The following SNTG1 variants were observed in gnomAD, a reference collection of about 807,000 sequenced individuals.
SNTG1 encodes syntrophin gamma 1, also known as gamma-1-syntrophin.
A neutral mutation model predicts 74.7 loss-of-function variants in SNTG1; 39 were observed. The ratio of observed to expected loss-of-function variants is 0.52; its 90% CI spans 0.40 to 0.68. SNTG1 has a LOEUF of 0.68. Among genes scored for constraint, SNTG1 ranks in the 30% least tolerant of loss-of-function variants. The pLI, the probability that SNTG1 is intolerant of heterozygous loss-of-function variation, is 0.00. For synonymous variants in SNTG1, 254 were observed against 217.1 expected, an observed-to-expected ratio of 1.17 and a Z score of -1.49; for missense variants, 685 against 609.5, an observed-to-expected ratio of 1.12 and a Z score of -1.30.
intron 2 of SNTG1, among the ~76,000 whole-genome samples, chr8:50,291,068 A>G (rs1403146609): frequency 6.6e-6 from 1 of 152,126 alleles, no homozygotes; most frequent in African/African-American, 2.4e-5. Flanking sequence ...GTATTTATTC[A>G]TTCTTGCATA....
chr8:50,237,153 C>T (rs889466655), intron 2 of SNTG1, among the ~76,000 whole-genome samples: 1 of 151,594 alleles, frequency 6.6e-6, no homozygotes, highest in Non-Finnish European at 1.5e-5. Flanking sequence ...TTTTTTCTTG[C>T]AGTTCATTTC....
intron 2 of SNTG1, among the ~76,000 whole-genome samples, chr8:50,194,240 G>T (rs1017558385): frequency 1.3e-5 from 2 of 152,088 alleles, no homozygotes; most frequent in Non-Finnish European, 2.9e-5. Flanking sequence ...TGTTCAATAA[G>T]ATTGGTACCA....
intron 8 of SNTG1, among the ~76,000 whole-genome samples, chr8:50,490,352 T>C (rs1384363777): frequency 6.6e-6 from 1 of 152,206 alleles, no homozygotes; most frequent in Non-Finnish European, 1.5e-5. Context: ...ATCTATAAAT[T>C]ACTTTGGGCA....
intron 1 of SNTG1, among the ~76,000 whole-genome samples, chr8:50,063,980 T>C (rs1820691875): frequency 1.3e-5 from 2 of 152,318 alleles, no homozygotes; most frequent in Admixed American, 1.3e-4. Context: ...ATTTTCCATC[T>C]ATAGCAACTT....
intron 4 of SNTG1, among the ~76,000 whole-genome samples, chr8:50,408,262 GTT>G (rs2092905131): frequency 3.8e-5 from 1 of 26,284 alleles, no homozygotes; most frequent in Admixed American, 4.4e-4. Context: ...TTGCTTTAAA[GTT>G]CCTTGCTTTA....
At chr8:50,276,632 T>C (rs2088129488) in intron 2 of SNTG1, among the ~76,000 whole-genome samples, 1 of 152,146 alleles carries the variant, frequency 6.6e-6, no homozygotes, top group East Asian at 1.9e-4. Context: ...CATTTCATGC[T>C]ATGGAATAAA....
intron 8 of SNTG1, 98 bp downstream of exon 8, chr8:50,450,827 G>C: frequency 8.2e-7 from 1 of 1,226,886 alleles, no homozygotes; most frequent in Non-Finnish European, 1.2e-6. Context: ...AGGCAGATAT[G>C]ACATTTATCC....
intron 2 of SNTG1, among the ~76,000 whole-genome samples, chr8:50,227,041 T>C (rs2085363118): frequency 6.6e-6 from 1 of 152,194 alleles, no homozygotes; most frequent in East Asian, 1.9e-4. Context: ...CTCTAGTTTT[T>C]ACAACAAAAT....
intron 12 of SNTG1, among the ~76,000 whole-genome samples, chr8:50,582,543 G>GT (rs1563608150): frequency 4.6e-4 from 69 of 151,112 alleles, no homozygotes; most frequent in African/African-American, 1.6e-3. Context: ...TGGGTGTGTG[G>GT]GTGTGTGTGT....
intron 12 of SNTG1, among the ~76,000 whole-genome samples, chr8:50,584,564 G>A (rs1252535856): frequency 6.8e-6 from 1 of 146,870 alleles, no homozygotes; most frequent in Non-Finnish European, 1.5e-5. Context: ...CTGGGCTGGA[G>A]TGCAGTGGTG....
intron 2 of SNTG1, among the ~76,000 whole-genome samples, chr8:50,278,531 A>G (rs1021079365): frequency 6.6e-6 from 1 of 152,198 alleles, no homozygotes; most frequent in African/African-American, 2.4e-5. Flanking sequence ...AAAACTTTGC[A>G]TATGGATTCA....
chr8:50,385,827 AG>A (rs1417133508), intron 2 of SNTG1, among the ~76,000 whole-genome samples: 1 of 152,176 alleles, frequency 6.6e-6, no homozygotes, highest in African/African-American at 2.4e-5. Flanking sequence ...TCTGCTACAG[AG>A]CTTCAATTAG....
At chr8:50,716,645 T>G (rs1402665581) in intron 17 of SNTG1, among the ~76,000 whole-genome samples, 4 of 152,116 alleles carry the variant, frequency 2.6e-5, no homozygotes, top group Non-Finnish European at 4.4e-5. Context: ...AACAAAAAAG[T>G]ATTTTGAATG....
chr8:50,364,836 C>T (rs1354314864), intron 2 of SNTG1, among the ~76,000 whole-genome samples: 1 of 151,872 alleles, frequency 6.6e-6, no homozygotes, highest in Non-Finnish European at 1.5e-5. Context: ...CAGTTTTTGA[C>T]TTCTTACAAA....
intron 18 of SNTG1, among the ~76,000 whole-genome samples, chr8:50,785,250 AT>A (rs551625286): frequency 9.0e-4 from 137 of 152,078 alleles, no homozygotes; most frequent in African/African-American, 2.8e-3. Flanking sequence ...AAAATCTCAA[AT>A]TTAGTTTTTT....
intron 17 of SNTG1, among the ~76,000 whole-genome samples, chr8:50,722,562 T>G (rs1483473012): frequency 6.6e-6 from 1 of 152,158 alleles, no homozygotes; most frequent in Non-Finnish European, 1.5e-5. Flanking sequence ...ATAAGATTTA[T>G]CTCTTATAGA....
In SNTG1 at chr8:50,662,771, G is replaced by A. The variant is rs377106333; in HGVS notation, c.1038+4108G>A. Among the ~76,000 whole-genome samples the A allele has an allele frequency of 4.6e-5, 7 of 151,434 alleles. 1 individual carries two copies. Among genetic ancestry groups the A allele is most frequent in the African/African-American group, 1.7e-4 (7 of 40,724 alleles). On this transcript the variant is annotated intron_variant, in intron 15 of 18. Coordinates refer to ENST00000642720, the MANE Select transcript of SNTG1 (RefSeq NM_018967.5). ...GTTACTAAAACATTACCCTTTATGA[G>A]TGTATTGGGCACTATGAACTTCAGT...
intron 1 of SNTG1, among the ~76,000 whole-genome samples, chr8:49,944,548 A>C (rs1343209238): frequency 1.6e-5 from 2 of 124,692 alleles, no homozygotes; most frequent in African/African-American, 6.2e-5. Context: ...TGGACACAGG[A>C]AGGGGAACAT....
At chr8:50,613,506 A>G (rs1441021662) in intron 13 of SNTG1, among the ~76,000 whole-genome samples, 2 of 152,216 alleles carry the variant, frequency 1.3e-5, no homozygotes, top group South Asian at 2.1e-4. Flanking sequence ...GAATGCAGGA[A>G]GATACATTTT....
Sources: allele counts gnomAD v4.1 joint callset (sites outside exome capture counted in the v4.1 genomes callset), GRCh38; gene constraint gnomAD v4.1.1; transcripts MANE v1.5; gene names NCBI Gene and HGNC (gene_info 2026-07-23, HGNC 2026-07-21).